The following TRAPPC6A variants were observed in gnomAD, a reference collection of about 807,000 sequenced individuals.
TRAPPC6A encodes the protein trafficking protein particle complex subunit 6A, also known as TRAPP complex subunit 6A.
Under a neutral mutation model 20.8 loss-of-function variants are expected in TRAPPC6A, and 25 were observed. The observed-to-expected ratio is 1.20, with a 90% CI of 0.88 to 1.68. TRAPPC6A has a LOEUF of 1.68. Among genes scored for constraint, TRAPPC6A ranks in the 40% most tolerant of loss-of-function variants. The pLI is 0.00. For missense variants in TRAPPC6A, 215 were observed against 211.6 expected, an observed-to-expected ratio of 1.02 and a Z score of -0.10; for synonymous variants, 96 against 93.3, an observed-to-expected ratio of 1.03 and a Z score of -0.16.
Position 45,163,706 on chromosome 19 carries a change from C to T in TRAPPC6A, c.448+210G>A, listed in dbSNP as rs1230529556. ...CCACCTCGGCTCCCATGCTGGGAAA[C>T]GATGTTCAAAACCGCCAGACAGTTC... On this transcript the variant is annotated intron_variant, in intron 5 of 5. Coordinates refer to ENST00000585934, the MANE Select transcript of TRAPPC6A (RefSeq NM_001270891.2). This position sits in a 1 kb window ranked among gnomAD's most constrained non-coding sequence, Gnocchi z 5.3. Among the ~76,000 whole-genome samples the T allele has an allele frequency of 4.6e-5, 7 of 152,132 alleles. No individual in the cohort carries two copies. Among genetic ancestry groups the T allele is most frequent in the African/African-American group, 9.7e-5 (4 of 41,432 alleles).
At chr19:45,164,578 T>C in intron 3 of TRAPPC6A, 1 of 580,782 alleles carries the variant, frequency 1.7e-6, no homozygotes, top group Non-Finnish European at 3.1e-6. Flanking sequence ...ACAAGCAGCA[T>C]CACACTGGGG....
intron 1 of TRAPPC6A, among the ~76,000 whole-genome samples, chr19:45,167,630 G>T (rs558045272): frequency 1.6e-4 from 24 of 152,234 alleles, no homozygotes; most frequent in Admixed American, 7.2e-4. Context: ...TTACAGGCAT[G>T]AGCCACCACG....
At chr19:45,167,123 G>A (rs1969173188) in intron 1 of TRAPPC6A, among the ~76,000 whole-genome samples, 1 of 152,150 alleles carries the variant, frequency 6.6e-6, no homozygotes, top group Non-Finnish European at 1.5e-5. Context: ...GGGGACCCAG[G>A]CTGACCAATT....
chr19:45,168,757 G>A (rs1006866799), intron 1 of TRAPPC6A, among the ~76,000 whole-genome samples: 3 of 152,186 alleles, frequency 2.0e-5, no homozygotes, highest in East Asian at 3.9e-4. Context: ...GGGCTCTGAG[G>A]TTAAGAAGAA....
chr19:45,164,354 C>G, intron 3 of TRAPPC6A, 107 bp from the exon 4 acceptor site: 1 of 745,276 alleles, frequency 1.3e-6, no homozygotes, highest in Non-Finnish European at 2.2e-6. Context: ...TTGGGAAGGC[C>G]CCCTTCCTGA....
intron 1 of TRAPPC6A, among the ~76,000 whole-genome samples, chr19:45,168,855 T>C (rs1969213101): frequency 1.3e-5 from 2 of 152,134 alleles, no homozygotes; most frequent in South Asian, 4.1e-4. Flanking sequence ...GCCATGGCTG[T>C]TGAGGGCCTC....
intron 1 of TRAPPC6A, 63 bp from the exon 2 acceptor site, chr19:45,165,257 G>T (rs983058338): frequency 1.3e-6 from 2 of 1,501,282 alleles, no homozygotes; most frequent in South Asian, 2.4e-5. Flanking sequence ...GGCCACCCAG[G>T]GGGGGACCTG....
At chr19:45,167,735 G>A (rs573441584) in intron 1 of TRAPPC6A, among the ~76,000 whole-genome samples, 2 of 152,208 alleles carry the variant, frequency 1.3e-5, no homozygotes, top group African/African-American at 2.4e-5. Flanking sequence ...TGCCCACCTC[G>A]GCCTCCCAAA....
At chr19:45,175,531 TTGAC>T (rs1044111329) in intron 1 of TRAPPC6A, among the ~76,000 whole-genome samples, 4 of 151,818 alleles carry the variant, frequency 2.6e-5, no homozygotes, top group African/African-American at 9.7e-5. Context: ...AGATCCAAAT[TTGAC>T]TGGGGGCTCA....
In TRAPPC6A at chr19:45,163,604, A is replaced by C. The variant is rs2095023148; in HGVS notation, c.448+312T>G. Among the ~76,000 whole-genome samples the C allele has an allele frequency of 1.3e-5, 2 of 152,170 alleles. No individual in the cohort carries two copies. Among genetic ancestry groups the C allele is most frequent in the South Asian group, 4.1e-4 (2 of 4,832 alleles). ...CCAGCTTGTCTGACAGAGGACACCC[A>C]GTCAGGCAGGCTGCAAGTTCCCTGG... is the stretch of plus-strand genomic sequence containing the variant. On this transcript the variant is annotated intron_variant, in intron 5 of 5. Coordinates refer to ENST00000585934, the MANE Select transcript of TRAPPC6A (RefSeq NM_001270891.2). This position sits in a 1 kb window ranked among gnomAD's most constrained non-coding sequence, Gnocchi z 5.3.
chr19:45,172,270 G>A lies in TRAPPC6A; in HGVS notation c.84+5865C>T, dbSNP rs933438518. Among the ~76,000 whole-genome samples the A allele has an allele frequency of 4.0e-5, 6 of 151,842 alleles. No homozygotes were observed. Among genetic ancestry groups the A allele is most frequent in the African/African-American group, 7.3e-5 (3 of 41,076 alleles). ...CTGAAGCTGGTGGGAAAGGCGGCCT[G>A]TGCTACCCAGAAGCCCTGGGGCCAG... On this transcript the variant is annotated intron_variant, in intron 1 of 5. Transcript: ENST00000585934. The surrounding 1 kb of genome is among the most constrained non-coding windows in gnomAD (Gnocchi z 4.2).
intron 3 of TRAPPC6A, 105 bp from the exon 4 acceptor site, chr19:45,164,352 G>T (rs1256364799): frequency 2.5e-5 from 19 of 755,496 alleles, no homozygotes; most frequent in South Asian, 3.7e-5. Context: ...GGTTGGGAAG[G>T]CCCCCTTCCT....
At chr19:45,166,637 A>C (rs1229088487) in intron 1 of TRAPPC6A, among the ~76,000 whole-genome samples, 1 of 151,942 alleles carries the variant, frequency 6.6e-6, no homozygotes, top group African/African-American at 2.4e-5. Context: ...TTTTCAGAGA[A>C]AGCCTGGCAG....
In TRAPPC6A at chr19:45,163,005, C is replaced by CAGG; in HGVS notation, c.*186_*187insCCT. The CAGG allele has an allele frequency of 1.7e-6, 1 of 602,432 alleles. No individual in the cohort carries two copies. The highest frequency in any genetic ancestry group is 2.8e-6 in the Non-Finnish European group (1 of 351,252). The allele number at this position is 602,432 out of a possible 1,614,324, so 37.3% of individuals were successfully genotyped here. ...CCGAGGCGGGAATCCCACCACAGTC[C>CAGG]TGACCGCAGCTGGGACCCCTTTGCC... On this transcript the variant is annotated 3_prime_UTR_variant, in exon 6 of 6. Coordinates refer to ENST00000585934, the MANE Select transcript of TRAPPC6A (RefSeq NM_001270891.2). The surrounding 1 kb of genome is among the most constrained non-coding windows in gnomAD (Gnocchi z 5.3).
At position 45,163,908 on chromosome 19, in the gene TRAPPC6A, T is replaced by C; in HGVS notation, c.448+8A>G. On this transcript the variant is annotated splice_region_variant and intron_variant, in intron 5 of 5. Transcript: ENST00000585934. The surrounding 1 kb of genome is among the most constrained non-coding windows in gnomAD (Gnocchi z 5.3). ...ATGAGAAGAATCCCCCCACCCCCCA[T>C]GACTCACAGACGGGCAGGGCTGCCA... 7.3e-7 allele frequency: 1 copy of C among 1,365,686 alleles called. No individual in the cohort carries two copies. Among genetic ancestry groups the C allele is most frequent in the Non-Finnish European group, 1.0e-6 (1 of 980,990 alleles). The allele number at this position is 1,365,686 out of a possible 1,614,324, so 84.6% of individuals were successfully genotyped here. A position where few individuals can be genotyped will look rare whatever the true frequency, so the allele number is the denominator to read the frequency against.
Position 45,163,033 on chromosome 19 carries a change from C to T in TRAPPC6A, c.*159G>A, listed in dbSNP as rs528992333. Reference sequence around the variant, plus strand: ...ACCGCAGCTGGGACCCCTTTGCCTCCTCTGACACCCCCACCTCAATTTGAT... The same window carrying T: ...ACCGCAGCTGGGACCCCTTTGCCTCTTCTGACACCCCCACCTCAATTTGAT... On this transcript the variant is annotated 3_prime_UTR_variant, in exon 6 of 6. Transcript: ENST00000585934. The surrounding 1 kb of genome is among the most constrained non-coding windows in gnomAD (Gnocchi z 5.3). 1.2e-6 allele frequency: 1 copy of T among 810,804 alleles called. No individual in the cohort carries two copies. The highest frequency in any genetic ancestry group is 2.9e-5 in the East Asian group (1 of 34,856). The allele number at this position is 810,804 out of a possible 1,614,324, so 50.2% of individuals were successfully genotyped here.
chr19:45,174,727 G>A (rs1969329132), intron 1 of TRAPPC6A, among the ~76,000 whole-genome samples: 1 of 152,090 alleles, frequency 6.6e-6, no homozygotes, highest in Non-Finnish European at 1.5e-5. Flanking sequence ...TACTCAGGAG[G>A]CTGAGGTGGG....
At chr19:45,169,701 C>G (rs532385392) in intron 1 of TRAPPC6A, among the ~76,000 whole-genome samples, 2 of 152,346 alleles carry the variant, frequency 1.3e-5, no homozygotes, top group South Asian at 2.1e-4. Context: ...GCACCTAGAA[C>G]AGCCCGGGCG....
intron 1 of TRAPPC6A, among the ~76,000 whole-genome samples, chr19:45,171,453 C>T (rs1599737387): frequency 1.3e-5 from 2 of 152,128 alleles, no homozygotes; most frequent in African/African-American, 4.8e-5. Context: ...ACACACAGAC[C>T]GGATGAAAGG....
Sources: gnomAD v4.1 joint callset for allele counts (sites outside exome capture counted in the v4.1 genomes callset) on GRCh38, gnomAD v4.1.1 for gene constraint, Gnocchi (gnomAD v3.1) non-coding constraint, MANE v1.5 for transcripts, NCBI Gene and HGNC (gene_info 2026-07-23, HGNC 2026-07-21) for gene names.